The following BRAF variants were observed in gnomAD, a reference collection of about 807,000 sequenced individuals.
The protein encoded by BRAF is serine/threonine-protein kinase B-raf.
In BRAF, 16 loss-of-function variants were observed where a neutral mutation model predicts 104.6. The ratio of observed to expected loss-of-function variants is 0.15; its 90% CI spans 0.10 to 0.23. The LOEUF (loss-of-function observed/expected upper bound fraction) is 0.23. BRAF is among the 10% of genes least tolerant of loss of function. The pLI is 1.00. For synonymous variants in BRAF, 310 were observed against 341.6 expected (o/e 0.91, Z 1.02); for missense variants, 541 against 937.3 (o/e 0.58, Z 5.52).
chr7:140,804,110 C>T (rs1803406622), intron 5 of BRAF, among the ~76,000 whole-genome samples: 1 of 152,092 alleles, frequency 6.6e-6, no homozygotes, highest in African/African-American at 2.4e-5. Context: ...TGGTCTCAAA[C>T]TCCTGACCTC....
intron 1 of BRAF, among the ~76,000 whole-genome samples, chr7:140,915,511 T>C (rs925412899): frequency 1.3e-5 from 2 of 151,578 alleles, no homozygotes; most frequent in African/African-American, 4.9e-5. Context: ...ATCGGCTCAC[T>C]GCAACCTCCG....
chr7:140,800,385 G>C lies in BRAF; in HGVS notation c.957C>G (p.Ser319=), dbSNP rs754029526. Residue 319 remains serine (S), a synonymous_variant, in exon 7 of 20, where the codon TCC becomes TCG. Transcript: ENST00000644969. ...ACCCAATAGAGTCCGAGGCGGGTGC[G>C]GAAGGGGATGATCCAGATGTTAGGG... ...ETALTSGSSP[S]APASDSIGPQ... 1 of 1,614,128 alleles carries C rather than the reference G, an allele frequency of 6.2e-7. No individual in the cohort carries two copies. The highest frequency in any genetic ancestry group is 8.5e-7 in the Non-Finnish European group (1 of 1,180,026).
chr7:140,744,972 G>A (rs1270836072), intron 17 of BRAF, among the ~76,000 whole-genome samples: 1 of 151,918 alleles, frequency 6.6e-6, no homozygotes, highest in Non-Finnish European at 1.5e-5. Context: ...TGTAACTTAG[G>A]TAATCAATAA....
chr7:140,864,627 G>A (rs1810744244), intron 1 of BRAF, among the ~76,000 whole-genome samples: 1 of 151,988 alleles, frequency 6.6e-6, no homozygotes, highest in Non-Finnish European at 1.5e-5. Flanking sequence ...CAGACACTGA[G>A]GTAGAAGGAA....
At chr7:140,730,191 C>A (rs1795856820) in intron 19 of BRAF, among the ~76,000 whole-genome samples, 3 of 151,838 alleles carry the variant, frequency 2.0e-5, no homozygotes, top group Non-Finnish European at 4.4e-5. Flanking sequence ...CTACTTCCTA[C>A]CCGTCTTCTA....
chr7:140,729,881 C>T (rs1269390853), intron 19 of BRAF, among the ~76,000 whole-genome samples: 3 of 152,028 alleles, frequency 2.0e-5, no homozygotes, highest in Non-Finnish European at 2.9e-5. Context: ...ACCAAACAAC[C>T]GCACAAAGAA....
At chr7:140,863,781 T>C (rs1586451249) in intron 1 of BRAF, among the ~76,000 whole-genome samples, 1 of 152,322 alleles carries the variant, frequency 6.6e-6, no homozygotes, top group East Asian at 1.9e-4. Flanking sequence ...CTGCTCCTGC[T>C]TTGCCTTCTG....
intron 1 of BRAF, among the ~76,000 whole-genome samples, chr7:140,890,478 A>G (rs1814095391): frequency 1.3e-5 from 2 of 152,222 alleles, no homozygotes; most frequent in South Asian, 4.1e-4. Flanking sequence ...GAGAACTCAC[A>G]TACTCCATCT....
chr7:140,890,001 G>C (rs992518608), intron 1 of BRAF, among the ~76,000 whole-genome samples: 16 of 151,638 alleles, frequency 1.1e-4, no homozygotes, highest in Admixed American at 1.1e-3. Flanking sequence ...CTAACTCTTA[G>C]GGTTGTGGTG....
At chr7:140,787,638 T>C (rs762526350) in intron 8 of BRAF, 54 bp from the exon 9 acceptor site, 6 of 1,456,194 alleles carry the variant, frequency 4.1e-6, no homozygotes, top group Admixed American at 3.4e-5. Flanking sequence ...AATCAGAGAG[T>C]AGCGATAACA....
Position 140,722,219 on chromosome 7 carries a change from T to TA in BRAF, c.*4274dup. 9.5e-7 allele frequency: 1 copy of TA among 1,056,432 alleles called. No individual in the cohort carries two copies. 65.4% of individuals were successfully genotyped at this position (1,056,432 alleles called of 1,614,324 possible). ...TGACTATACTAGGGATTATGTGCTT[T>TA]AAAAAAATAATTTTGTTCACTGAAA... On this transcript the variant is annotated 3_prime_UTR_variant, in exon 20 of 20. Transcript: ENST00000644969.
chr7:140,814,248 G>C (rs1804586423), intron 3 of BRAF, among the ~76,000 whole-genome samples: 1 of 152,140 alleles, frequency 6.6e-6, no homozygotes, highest in African/African-American at 2.4e-5. Context: ...GGAAACTTTA[G>C]ACCAAAACAA....
At chr7:140,856,410 A>C (rs1286361782) in intron 1 of BRAF, among the ~76,000 whole-genome samples, 1 of 152,194 alleles carries the variant, frequency 6.6e-6, no homozygotes, top group Admixed American at 6.6e-5. Context: ...ACAGAAAACG[A>C]ATATAATCAG....
At chr7:140,797,313 G>C (rs1167282656) in intron 7 of BRAF, among the ~76,000 whole-genome samples, 2 of 152,124 alleles carry the variant, frequency 1.3e-5, no homozygotes, top group Non-Finnish European at 2.9e-5. Flanking sequence ...ACATTCTACA[G>C]CATTTTTAAA....
Position 140,723,074 on chromosome 7 carries a change from A to T in BRAF, c.*3420T>A. ...AATAACTATTCATTACCTCATTCTG[A>T]AGAGGTAGTTTTTTGTAGAGGTCAC... On this transcript the variant is annotated 3_prime_UTR_variant, in exon 20 of 20. Transcript: ENST00000644969. 1 of 1,051,426 alleles carries T rather than the reference A, an allele frequency of 9.5e-7. No homozygotes were observed. Among genetic ancestry groups the T allele is most frequent in the African/African-American group, 1.7e-5 (1 of 60,360 alleles). The allele number at this position is 1,051,426 out of a possible 1,614,324, so 65.1% of individuals were successfully genotyped here. A position where few individuals can be genotyped will look rare whatever the true frequency, so the allele number is the denominator to read the frequency against.
At chr7:140,796,647 A>G (rs1802522473) in intron 7 of BRAF, among the ~76,000 whole-genome samples, 1 of 152,242 alleles carries the variant, frequency 6.6e-6, no homozygotes, top group African/African-American at 2.4e-5. Flanking sequence ...ACAAAATCAG[A>G]GAAACTCAAT....
intron 1 of BRAF, among the ~76,000 whole-genome samples, chr7:140,881,907 C>A (rs964292136): frequency 6.6e-6 from 1 of 152,008 alleles, no homozygotes; most frequent in Admixed American, 6.6e-5. Flanking sequence ...GTTTGTGGCA[C>A]CCCAAAACAA....
intron 14 of BRAF, among the ~76,000 whole-genome samples, chr7:140,768,399 T>A (rs914040758): frequency 6.6e-6 from 1 of 152,224 alleles, no homozygotes; most frequent in African/African-American, 2.4e-5. Context: ...TGTGGAGGCT[T>A]GGCCCCAGTG....
chr7:140,722,527 T>A lies in BRAF; in HGVS notation c.*3967A>T, dbSNP rs1342006993. The A allele has an allele frequency of 9.5e-7, 1 of 1,057,302 alleles. No homozygotes were observed. The highest frequency in any genetic ancestry group is 1.6e-5 in the African/African-American group (1 of 60,654). 65.5% of individuals were successfully genotyped at this position (1,057,302 alleles called of 1,614,324 possible). On this transcript the variant is annotated 3_prime_UTR_variant, in exon 20 of 20. Transcript: ENST00000644969. ...CCTGTAAGCTATTTGCTGTTCATAC[T>A]CACAGTAAACCTTCCATCTCTGGCT... is the stretch of plus-strand genomic sequence containing the variant.
Sources: gnomAD v4.1 joint callset for allele counts (sites outside exome capture counted in the v4.1 genomes callset) on GRCh38, gnomAD v4.1.1 for gene constraint, MANE v1.5 for transcripts, NCBI Gene and HGNC (gene_info 2026-07-23, HGNC 2026-07-21) for gene names.